Variants in CELSR1 observed in about 807,000 individuals in gnomAD.
CELSR1 encodes adhesion G protein-coupled receptor C1.
Under a neutral mutation model 249.1 loss-of-function variants are expected in CELSR1, and 110 were observed. The observed-to-expected ratio is 0.44, with a 90% CI of 0.38 to 0.52. The LOEUF is 0.52. Ranked by LOEUF, CELSR1 falls within the 20% of genes least tolerant of loss-of-function variation. The pLI, the probability that CELSR1 is intolerant of heterozygous loss-of-function variation, is 0.00. For synonymous variants in CELSR1, 2,113 were observed against 1,900.0 expected (o/e 1.11, Z -2.92); for missense variants, 4,109 against 4,296.4 (o/e 0.96, Z 1.22).
chr22:46,533,488 G>C, intron 1 of CELSR1, 139 bp downstream of exon 1: 1 of 1,276,110 alleles, frequency 7.8e-7, no homozygotes, highest in Non-Finnish European at 1.1e-6. Flanking sequence ...GCATCCAACC[G>C]GCGGCAACAA....
rs369736883 is a variant in CELSR1 at position 46,439,423 on chromosome 22, G to A, written c.4184-12C>T. On this transcript the variant is annotated splice_polypyrimidine_tract_variant and intron_variant, in intron 2 of 34. Transcript: ENST00000674500. ...CTCACAGTGCTCTCCTGGGGGGCGA[G>A]AGGAAGATGCCAGAGAGGAGGTTAC... is the stretch of plus-strand genomic sequence containing the variant. The A allele has an allele frequency of 2.5e-6, 4 of 1,604,934 alleles. No homozygotes were observed. The South Asian group carries it at 3.3e-5, about 13-fold the overall frequency.
At position 46,366,556 on chromosome 22, in the gene CELSR1, C is replaced by T. The variant is rs183490268; in HGVS notation, c.8206-76G>A. ...CCACCACGGGGAATGACTCTGTCCCCACGGCAAGCCCCCCACACCCACACC... is the reference window on the plus strand; with the variant it reads ...CCACCACGGGGAATGACTCTGTCCCTACGGCAAGCCCCCCACACCCACACC... On this transcript the variant is annotated intron_variant, in intron 29 of 34. Coordinates refer to ENST00000674500, the MANE Select transcript of CELSR1 (RefSeq NM_001378328.1). The T allele has an allele frequency of 1.3e-4, 161 of 1,198,260 alleles. No homozygotes were observed. In the African/African-American group the frequency reaches 2.0e-3, roughly 15 times the overall value. 74.2% of individuals were successfully genotyped at this position (1,198,260 alleles called of 1,614,324 possible).
chr22:46,537,322 C>T lies in CELSR1; in HGVS notation c.-152G>A, dbSNP rs568815085. ...GCCTCCCCGGGGGCCCTGGCGGGGA[C>T]TGTGGGGACCACGCGCCCGGCCTCC... On this transcript the variant is annotated 5_prime_UTR_variant, in exon 1 of 35. Coordinates refer to ENST00000674500, the MANE Select transcript of CELSR1 (RefSeq NM_001378328.1). This position sits in a 1 kb window ranked among gnomAD's most constrained non-coding sequence, Gnocchi z 5.8. The T allele has an allele frequency of 1.2e-3, 1,071 of 897,642 alleles. 8 individuals carry two copies. The African/African-American group carries it at 0.018, about 15-fold the overall frequency. The allele number at this position is 897,642 out of a possible 1,614,324, so 55.6% of individuals were successfully genotyped here.
chr22:46,419,926 T>A (rs530592625), intron 5 of CELSR1, among the ~76,000 whole-genome samples: 1 of 150,928 alleles, frequency 6.6e-6, no homozygotes, highest in African/African-American at 2.4e-5. Flanking sequence ...CGCTCACACG[T>A]ACACTTACCC....
intron 1 of CELSR1, among the ~76,000 whole-genome samples, chr22:46,511,244 T>C (rs112388062): frequency 0.018 from 1,779 of 96,202 alleles, 29 homozygotes; most frequent in African/African-American, 0.046. Flanking sequence ...AGAAATATGA[T>C]TCACACAGAG....
intron 1 of CELSR1, among the ~76,000 whole-genome samples, chr22:46,516,358 C>CA (rs542473593): frequency 2.0e-5 from 3 of 151,808 alleles, no homozygotes; most frequent in East Asian, 1.9e-4. Flanking sequence ...ATCGCAAGGA[C>CA]AAAAAACCAA....
chr22:46,369,849 A>G, intron 25 of CELSR1, 45 bp from the exon 26 acceptor site: 1 of 1,537,758 alleles, frequency 6.5e-7, no homozygotes, highest in Non-Finnish European at 9.0e-7. Flanking sequence ...CCACGTGCCC[A>G]GTGGCCACCC....
At chr22:46,451,601 C>T (rs1271557414) in intron 2 of CELSR1, among the ~76,000 whole-genome samples, 3 of 152,078 alleles carry the variant, frequency 2.0e-5, no homozygotes, top group Admixed American at 1.3e-4. Flanking sequence ...GCCCAGGTGA[C>T]CCCAGCCTGG....
In CELSR1 at chr22:46,409,668, G is replaced by GC; in HGVS notation, c.5059+86dup. ...AGAGGCTGCCGGACCTGGATGTGAAGCCCCCTCACGGTGGTCCCGGGCACA... is the reference window on the plus strand; with the variant it reads ...AGAGGCTGCCGGACCTGGATGTGAAGCCCCCCTCACGGTGGTCCCGGGCACA... On this transcript the variant is annotated intron_variant, in intron 8 of 34. Coordinates refer to ENST00000674500, the MANE Select transcript of CELSR1 (RefSeq NM_001378328.1). This position sits in a 1 kb window ranked among gnomAD's most constrained non-coding sequence, Gnocchi z 9.8. The GC allele has an allele frequency of 6.6e-7, 1 of 1,519,050 alleles. No individual in the cohort carries two copies. The highest frequency in any genetic ancestry group is 1.1e-5 in the South Asian group (1 of 87,716). The allele number at this position is 1,519,050 out of a possible 1,614,324, so 94.1% of individuals were successfully genotyped here. A position where few individuals can be genotyped will look rare whatever the true frequency, so the allele number is the denominator to read the frequency against.
intron 2 of CELSR1, among the ~76,000 whole-genome samples, chr22:46,457,762 G>A (rs185748448): frequency 6.6e-6 from 1 of 152,350 alleles, no homozygotes; most frequent in Admixed American, 6.5e-5. Context: ...CACAGGGGCA[G>A]GACAGAGTCA....
rs1220278514 is a variant in CELSR1 at position 46,390,069 on chromosome 22, T to A, written c.6345+323A>T. On this transcript the variant is annotated intron_variant, in intron 17 of 34. Coordinates refer to ENST00000674500, the MANE Select transcript of CELSR1 (RefSeq NM_001378328.1). This position sits in a 1 kb window ranked among gnomAD's most constrained non-coding sequence, Gnocchi z 6.3. Reference sequence around the variant, plus strand: ...AGAGAAAGATAGCGAGTGGGAGACGTGGGAACAAAAGCCATGAAATAGGGC... The same window carrying A: ...AGAGAAAGATAGCGAGTGGGAGACGAGGGAACAAAAGCCATGAAATAGGGC... 1.3e-5 allele frequency among the ~76,000 whole-genome samples: 2 copies of A among 152,022 alleles called. No individual in the cohort carries two copies. The highest frequency in any genetic ancestry group is 6.6e-5 in the Admixed American group (1 of 15,264).
rs9627441 is a variant in CELSR1 at position 46,396,397 on chromosome 22, G to C, written c.5843+208C>G. Among the ~76,000 whole-genome samples the C allele has an allele frequency of 0.017, 2,635 of 152,020 alleles. 66 individuals carry two copies. Among genetic ancestry groups the C allele is most frequent in the African/African-American group, 0.058 (2,419 of 41,424 alleles). On this transcript the variant is annotated intron_variant, in intron 13 of 34. Coordinates refer to ENST00000674500, the MANE Select transcript of CELSR1 (RefSeq NM_001378328.1). The surrounding 1 kb of genome is among the most constrained non-coding windows in gnomAD (Gnocchi z 6.4). ...CACTCCAGCCTGGGTGACAGAGCAA[G>C]ACTCTGTCTCAAAAAAATAAAAATA...
chr22:46,397,724 T>C lies in CELSR1; in HGVS notation c.5651A>G (p.Asn1884Ser), dbSNP rs144122307. The C allele has an allele frequency of 5.4e-3, 8,594 of 1,587,144 alleles. 51 individuals carry two copies. The highest frequency in any genetic ancestry group is 0.032 in the Middle Eastern group (194 of 6,006). Residue 1884 changes from asparagine (N) to serine (S), a missense_variant, in exon 12 of 35, where the codon AAT becomes AGT. This residue lies in a region of CELSR1 where 1,805 missense variants were observed against 1,831.6 expected (regional missense o/e 0.99). Coordinates refer to ENST00000674500, the MANE Select transcript of CELSR1 (RefSeq NM_001378328.1). ...DPCTSSPCPPNSRCHDAWEDY... is the reference protein window; with the variant it reads ...DPCTSSPCPPSSRCHDAWEDY... ...CTCCCAGGCGTCGTGGCAGCGGCTATTGGGGGGACAGGGGCTCGAGGTACA... is the reference window on the plus strand; with the variant it reads ...CTCCCAGGCGTCGTGGCAGCGGCTACTGGGGGGACAGGGGCTCGAGGTACA...
In CELSR1 at chr22:46,519,653, C is replaced by T. The variant is rs1009840005; in HGVS notation, c.3544+13974G>A. Among the ~76,000 whole-genome samples, 10 of 152,296 alleles carry T rather than the reference C, an allele frequency of 6.6e-5. No homozygotes were observed. The East Asian group carries it at 9.6e-4, about 15-fold the overall frequency. ...CATCCACATACCCAGGGACCCCCTC[C>T]CATGCCCCTGAGATGCAAGGTCCCA... is the stretch of plus-strand genomic sequence containing the variant. On this transcript the variant is annotated intron_variant, in intron 1 of 34. Coordinates refer to ENST00000674500, the MANE Select transcript of CELSR1 (RefSeq NM_001378328.1).
chr22:46,495,673 AG>A (rs2080406053), intron 1 of CELSR1, among the ~76,000 whole-genome samples: 1 of 151,652 alleles, frequency 6.6e-6, no homozygotes, highest in South Asian at 2.1e-4. Context: ...CTGTTTAGCC[AG>A]GCATGGTGGT....
At chr22:46,403,563 A>AC (rs1569138112) in intron 9 of CELSR1, among the ~76,000 whole-genome samples, 2 of 151,644 alleles carry the variant, frequency 1.3e-5, no homozygotes, top group African/African-American at 2.4e-5. Flanking sequence ...TCACACACAC[A>AC]AAAAAAACAA....
chr22:46,397,277 CTTTTTTTT>C (rs528088887), intron 12 of CELSR1, among the ~76,000 whole-genome samples: 170 of 78,748 alleles, frequency 2.2e-3, no homozygotes, highest in Non-Finnish European at 3.1e-3. Context: ...CTAATTTTTG[CTTTTTTTT>C]TTTTTTTTTT....
Position 46,441,467 on chromosome 22 carries a change from T to G in CELSR1, c.4184-2056A>C, listed in dbSNP as rs934099032. On this transcript the variant is annotated intron_variant, in intron 2 of 34. Transcript: ENST00000674500. This position sits in a 1 kb window ranked among gnomAD's most constrained non-coding sequence, Gnocchi z 6.1. Reference sequence around the variant, plus strand: ...AAAACACACTTACGACGCCTCAGTCTGCTTGGGCTGCCATAATGAAGCATG... The same window carrying G: ...AAAACACACTTACGACGCCTCAGTCGGCTTGGGCTGCCATAATGAAGCATG... 6.6e-6 allele frequency among the ~76,000 whole-genome samples: 1 copy of G among 152,154 alleles called. No individual in the cohort carries two copies. Among genetic ancestry groups the G allele is most frequent in the Non-Finnish European group, 1.5e-5 (1 of 68,024 alleles).
intron 23 of CELSR1, chr22:46,377,711 C>G: frequency 5.2e-6 from 1 of 194,004 alleles, no homozygotes; most frequent in East Asian, 1.2e-4. Flanking sequence ...CAGGCTGGGT[C>G]CTGCTGGGGA....
Sources: allele counts gnomAD v4.1 joint callset (sites outside exome capture counted in the v4.1 genomes callset), GRCh38; gene constraint gnomAD v4.1.1; regional missense constraint gnomAD v4.1.1; non-coding constraint Gnocchi (gnomAD v3.1); transcripts MANE v1.5; gene names NCBI Gene and HGNC (gene_info 2026-07-23, HGNC 2026-07-21).